The following TMEM62 variants were observed in gnomAD, a reference collection of about 807,000 sequenced individuals.
TMEM62 encodes transmembrane protein 62.
In TMEM62, 41 loss-of-function variants were observed where a neutral mutation model predicts 70.4. The observed-to-expected ratio is 0.58, with a 90% CI of 0.45 to 0.76. The LOEUF (loss-of-function observed/expected upper bound fraction) is 0.76, where lower values mean the gene tolerates loss of function less well. TMEM62 is among the 30% of genes least tolerant of loss of function. TMEM62 has a pLI of 0.00. For missense variants in TMEM62, 688 were observed against 788.5 expected (o/e 0.87, Z 1.53); for synonymous variants, 268 against 291.0 (o/e 0.92, Z 0.80).
chr15:43,153,822 C>G (rs760571344), intron 8 of TMEM62, among the ~76,000 whole-genome samples: 10 of 152,174 alleles, frequency 6.6e-5, no homozygotes, highest in Non-Finnish European at 1.3e-4. Flanking sequence ...GATAACGGTT[C>G]AAGTCCCTGC....
At chr15:43,140,775 C>A (rs1265001523) in intron 4 of TMEM62, among the ~76,000 whole-genome samples, 1 of 152,146 alleles carries the variant, frequency 6.6e-6, no homozygotes, top group Non-Finnish European at 1.5e-5. Context: ...CTGCTCATGG[C>A]AATAGAGCTT....
At chr15:43,169,786 C>T (rs1428772018) in intron 11 of TMEM62, 109 bp downstream of exon 11, 15 of 854,004 alleles carry the variant, frequency 1.8e-5, no homozygotes, top group East Asian at 1.5e-4. Context: ...GACCATGGCC[C>T]AGGGAAAACA....
At chr15:43,156,393 T>C (rs1264353683) in intron 9 of TMEM62, among the ~76,000 whole-genome samples, 1 of 152,144 alleles carries the variant, frequency 6.6e-6, no homozygotes, top group Non-Finnish European at 1.5e-5. Flanking sequence ...AAATGTTCTG[T>C]GTAGAAGGAA....
chr15:43,160,646 C>A, intron 9 of TMEM62, 35 bp from the exon 10 acceptor site: 1 of 1,154,042 alleles, frequency 8.7e-7, no homozygotes, highest in Non-Finnish European at 1.3e-6. Context: ...TTTCCATGTA[C>A]ATGAAAGTTA....
rs534371753 is a variant in TMEM62, at chr15:43,153,162, T to C, written c.1022+1217T>C. 2.6e-5 allele frequency among the ~76,000 whole-genome samples: 4 copies of C among 152,346 alleles called. No individual in the cohort carries two copies. In the South Asian group the frequency reaches 8.3e-4, roughly 32 times the overall value. On this transcript the variant is annotated intron_variant, in intron 8 of 13. Coordinates refer to ENST00000260403, the MANE Select transcript of TMEM62 (RefSeq NM_024956.4). ...AGAAAGAGTTCTAGAAGTGGGATTC[T>C]AGGTGAAAGAATTTGAATTCTTTTA...
chr15:43,182,706 G>A (rs961716949), intron 13 of TMEM62, among the ~76,000 whole-genome samples: 6 of 151,990 alleles, frequency 3.9e-5, no homozygotes, highest in Non-Finnish European at 7.4e-5. Context: ...CGCCCGTCTC[G>A]GCCTCCCAAA....
intron 10 of TMEM62, among the ~76,000 whole-genome samples, chr15:43,167,208 G>T (rs1351847379): frequency 3.3e-5 from 5 of 151,388 alleles, no homozygotes; most frequent in African/African-American, 1.2e-4. Context: ...CTGGCCGGGC[G>T]GGGGGCTGAC....
At chr15:43,166,574 T>TTA (rs2039441591) in intron 10 of TMEM62, among the ~76,000 whole-genome samples, 1 of 149,970 alleles carries the variant, frequency 6.7e-6, no homozygotes, top group Non-Finnish European at 1.5e-5. Context: ...TTTTTTTTTT[T>TTA]ATTGATCATT....
At chr15:43,135,270 C>T (rs2035050341) in intron 2 of TMEM62, among the ~76,000 whole-genome samples, 1 of 152,136 alleles carries the variant, frequency 6.6e-6, no homozygotes, top group African/African-American at 2.4e-5. Flanking sequence ...TTTAACAACC[C>T]ATTTCGAATA....
chr15:43,184,094 C>T, intron 13 of TMEM62, 166 bp from the exon 14 acceptor site: 1 of 630,678 alleles, frequency 1.6e-6, no homozygotes, highest in Non-Finnish European at 2.8e-6. Context: ...GGCAAATACA[C>T]AACTAGCCAC....
chr15:43,162,858 C>T (rs1325314375), intron 10 of TMEM62, among the ~76,000 whole-genome samples: 1 of 151,948 alleles, frequency 6.6e-6, no homozygotes, highest in Non-Finnish European at 1.5e-5. Flanking sequence ...TTCTTGGGAT[C>T]AATTTCTAGA....
chr15:43,177,891 A>G (rs953553972), intron 11 of TMEM62, among the ~76,000 whole-genome samples: 6 of 151,940 alleles, frequency 3.9e-5, no homozygotes, highest in African/African-American at 1.5e-4. Context: ...AGATATACCT[A>G]ATGCTAAATG....
chr15:43,146,366 T>G, intron 4 of TMEM62, 127 bp from the exon 5 acceptor site: 1 of 871,838 alleles, frequency 1.1e-6, no homozygotes, highest in Non-Finnish European at 1.7e-6. Flanking sequence ...TGGATCTAGT[T>G]TAGTATATTT....
intron 3 of TMEM62, among the ~76,000 whole-genome samples, chr15:43,136,797 C>T (rs2035284888): frequency 6.6e-6 from 1 of 151,884 alleles, no homozygotes; most frequent in East Asian, 1.9e-4. Context: ...TGTCACTCAG[C>T]CTGGAGTGCA....
chr15:43,149,653 C>T (rs2037125887), intron 7 of TMEM62, among the ~76,000 whole-genome samples: 1 of 152,046 alleles, frequency 6.6e-6, no homozygotes, highest in Non-Finnish European at 1.5e-5. Context: ...AACTCTTGAC[C>T]TCAGGTGATC....
At position 43,133,662 on chromosome 15, in the gene TMEM62, A is replaced by AGCCCCGCATCCGGCGCCG. The variant is rs1284749329; in HGVS notation, c.-129_-112dup. 3 of 566,286 alleles carry AGCCCCGCATCCGGCGCCG rather than the reference A, an allele frequency of 5.3e-6. No homozygotes were observed. The highest frequency in any genetic ancestry group is 7.9e-6 in the Non-Finnish European group (3 of 379,548). 35.1% of individuals were successfully genotyped at this position (566,286 alleles called of 1,614,324 possible). A position where few individuals can be genotyped will look rare whatever the true frequency, so the allele number is the denominator to read the frequency against. The stretch of plus-strand genomic sequence containing the variant: ...CACCCTAGGCCCAGTGTCTGGCTCC[A>AGCCCCGCATCCGGCGCCG]GCCCCGCATCCGGCGCCGGCCCCGC... On this transcript the variant is annotated 5_prime_UTR_variant, in exon 1 of 14. Coordinates refer to ENST00000260403, the MANE Select transcript of TMEM62 (RefSeq NM_024956.4).
chr15:43,152,658 G>A (rs891205874), intron 8 of TMEM62, among the ~76,000 whole-genome samples: 1 of 152,120 alleles, frequency 6.6e-6, no homozygotes, highest in African/African-American at 2.4e-5. Context: ...GCCTCCCCAA[G>A]TGCTGGGATT....
intron 3 of TMEM62, among the ~76,000 whole-genome samples, chr15:43,136,548 G>T (rs186359816): frequency 3.3e-5 from 5 of 151,760 alleles, no homozygotes; most frequent in Admixed American, 6.6e-5. Flanking sequence ...GAGTTCAAGC[G>T]ATTCCCCTGC....
intron 11 of TMEM62, among the ~76,000 whole-genome samples, chr15:43,177,204 C>T (rs533883533): frequency 1.3e-5 from 2 of 152,112 alleles, no homozygotes; most frequent in Non-Finnish European, 2.9e-5. Flanking sequence ...ACCAAATCTG[C>T]TATGTGAAAA....
Sources: allele counts gnomAD v4.1 joint callset (sites outside exome capture counted in the v4.1 genomes callset), GRCh38; gene constraint gnomAD v4.1.1; transcripts MANE v1.5; gene names NCBI Gene and HGNC (gene_info 2026-07-23, HGNC 2026-07-21).